CCSER1: variants seen among roughly 807,000 people sequenced by gnomAD.
The protein encoded by CCSER1 is serine-rich coiled-coil domain-containing protein 1.
Under a neutral mutation model 82.0 loss-of-function variants are expected in CCSER1, and 41 were observed. That is an observed-to-expected ratio of 0.50 (90% CI 0.39 to 0.65). The LOEUF (loss-of-function observed/expected upper bound fraction) is 0.65, where lower values mean the gene tolerates loss of function less well. CCSER1 is among the 30% of genes least tolerant of loss of function. CCSER1 has a pLI of 0.00. For synonymous variants in CCSER1, 414 were observed against 383.9 expected (o/e 1.08, Z -0.92); for missense variants, 1,119 against 1,064.2 (o/e 1.05, Z -0.72).
At chr4:90,260,880 T>C (rs1724208100) in intron 1 of CCSER1, among the ~76,000 whole-genome samples, 1 of 152,140 alleles carries the variant, frequency 6.6e-6, no homozygotes, top group South Asian at 2.1e-4. Context: ...CACACCTGGC[T>C]AATTTTTCTA....
chr4:91,025,977 C>T (rs1740456028), intron 9 of CCSER1, among the ~76,000 whole-genome samples: 1 of 152,074 alleles, frequency 6.6e-6, no homozygotes, highest in Non-Finnish European at 1.5e-5. Flanking sequence ...AAACACAAGA[C>T]AGCCTTTTGC....
intron 9 of CCSER1, among the ~76,000 whole-genome samples, chr4:91,026,606 T>C (rs964243743): frequency 6.6e-6 from 1 of 152,100 alleles, no homozygotes; most frequent in Non-Finnish European, 1.5e-5. Flanking sequence ...ATGAGGACTT[T>C]TTTCTTGGAG....
At chr4:90,704,176 C>CA (rs1228676594) in intron 6 of CCSER1, among the ~76,000 whole-genome samples, 9 of 152,144 alleles carry the variant, frequency 5.9e-5, no homozygotes, top group African/African-American at 1.9e-4. Flanking sequence ...CTGGTGATGA[C>CA]AAAATCTCTC....
At chr4:90,864,639 T>A (rs183048647) in intron 8 of CCSER1, among the ~76,000 whole-genome samples, 102 of 152,114 alleles carry the variant, frequency 6.7e-4, no homozygotes, top group Middle Eastern at 6.8e-3. Context: ...GGTATTCTCT[T>A]ATAGCAGCAC....
At chr4:90,594,616 C>T (rs1251192815) in intron 5 of CCSER1, among the ~76,000 whole-genome samples, 1 of 152,110 alleles carries the variant, frequency 6.6e-6, no homozygotes, top group African/African-American at 2.4e-5. Context: ...TATATTATGT[C>T]TCTTTAGGTT....
chr4:91,399,406 TAGG>T (rs746375273), intron 10 of CCSER1, among the ~76,000 whole-genome samples: 5 of 151,950 alleles, frequency 3.3e-5, no homozygotes, highest in Non-Finnish European at 5.9e-5. Context: ...TTATAGGAAG[TAGG>T]AGGAAATTTT....
intron 6 of CCSER1, among the ~76,000 whole-genome samples, chr4:90,691,624 GTATGTATATATATCACA>G (rs1735961732): frequency 6.6e-6 from 1 of 150,734 alleles, no homozygotes; most frequent in African/African-American, 2.5e-5. Context: ...GTATATATGT[GTATGTATATATATCACA>G]TGTATATATA....
At chr4:90,974,631 C>T (rs897044131) in intron 9 of CCSER1, among the ~76,000 whole-genome samples, 36 of 151,156 alleles carry the variant, frequency 2.4e-4, no homozygotes, top group African/African-American at 8.7e-4. Flanking sequence ...GCACCTTTAC[C>T]CATTAGGGGT....
chr4:90,495,170 C>T (rs1578798770), intron 5 of CCSER1, among the ~76,000 whole-genome samples: 1 of 152,198 alleles, frequency 6.6e-6, no homozygotes. Flanking sequence ...GTGTTCAACC[C>T]TCCCTTTCAA....
intron 10 of CCSER1, among the ~76,000 whole-genome samples, chr4:91,413,986 TAAAC>T (rs1020954777): frequency 5.9e-5 from 9 of 152,036 alleles, no homozygotes; most frequent in African/African-American, 2.2e-4. Context: ...ACATTATAGA[TAAAC>T]AAATGCCAAG....
intron 9 of CCSER1, among the ~76,000 whole-genome samples, chr4:90,975,482 G>T (rs1442610302): frequency 6.6e-6 from 1 of 150,922 alleles, no homozygotes; most frequent in African/African-American, 2.4e-5. Flanking sequence ...TGAAAGAACT[G>T]AAAGAGTGAA....
At chr4:90,687,202 T>TA (rs1233853307) in intron 6 of CCSER1, among the ~76,000 whole-genome samples, 1 of 152,194 alleles carries the variant, frequency 6.6e-6, no homozygotes, top group Non-Finnish European at 1.5e-5. Flanking sequence ...GTCACTTATG[T>TA]AAAATTCTTT....
intron 10 of CCSER1, among the ~76,000 whole-genome samples, chr4:91,351,360 A>T (rs1363831161): frequency 6.6e-6 from 1 of 151,954 alleles, no homozygotes; most frequent in Non-Finnish European, 1.5e-5. Context: ...AATAATCCTA[A>T]TTTCTTAATA....
At chr4:91,336,649 CAG>C (rs1408369015) in intron 10 of CCSER1, among the ~76,000 whole-genome samples, 1 of 151,936 alleles carries the variant, frequency 6.6e-6, no homozygotes, top group African/African-American at 2.4e-5. Context: ...AAAAATAAAA[CAG>C]TCTTTCAGTA....
chr4:90,762,662 C>T lies in CCSER1; in HGVS notation c.2010+38671C>T, dbSNP rs976526459. 2.6e-5 allele frequency among the ~76,000 whole-genome samples: 4 copies of T among 152,042 alleles called. No individual in the cohort carries two copies. The South Asian group carries it at 8.3e-4, about 32-fold the overall frequency. ...TAATAATAGCACTTAGATAAAAGCC[C>T]CAAATCCTTTTTGTTATTTCACACA... On this transcript the variant is annotated intron_variant, in intron 7 of 10. Coordinates refer to ENST00000509176, the MANE Select transcript of CCSER1 (RefSeq NM_001145065.2).
At chr4:91,577,562 A>G (rs1763510222) in intron 10 of CCSER1, among the ~76,000 whole-genome samples, 1 of 152,096 alleles carries the variant, frequency 6.6e-6, no homozygotes, top group South Asian at 2.1e-4. Flanking sequence ...TGGATTAATG[A>G]ACATCATAAA....
chr4:90,284,073 G>A (rs1463813739), intron 1 of CCSER1, among the ~76,000 whole-genome samples: 3 of 151,926 alleles, frequency 2.0e-5, no homozygotes, highest in Non-Finnish European at 4.4e-5. Flanking sequence ...TCTCTTATTA[G>A]TGATGTTGAG....
intron 3 of CCSER1, chr4:90,325,688 G>A: frequency 2.3e-6 from 1 of 436,850 alleles, no homozygotes; most frequent in Non-Finnish European, 4.7e-6. Context: ...GTTCTGAGGT[G>A]ACAGTCACTG....
chr4:90,422,525 G>A (rs958728085), intron 4 of CCSER1, among the ~76,000 whole-genome samples: 9 of 152,110 alleles, frequency 5.9e-5, no homozygotes, highest in Non-Finnish European at 2.9e-5. Context: ...CACCCAGGAA[G>A]TTGAGGCTGC....
Sources: allele counts gnomAD v4.1 joint callset (sites outside exome capture counted in the v4.1 genomes callset), GRCh38; gene constraint gnomAD v4.1.1; transcripts MANE v1.5; gene names NCBI Gene and HGNC (gene_info 2026-07-23, HGNC 2026-07-21).